MIPOL1: variants seen among roughly 807,000 people sequenced by gnomAD.
The protein encoded by MIPOL1 is mirror-image polydactyly gene 1 protein.
Under a neutral mutation model 60.9 loss-of-function variants are expected in MIPOL1, and 57 were observed. That is an observed-to-expected ratio of 0.94 (90% CI 0.76 to 1.17). The LOEUF (loss-of-function observed/expected upper bound fraction) is 1.17, where lower values mean the gene tolerates loss of function less well. Among genes scored for constraint, MIPOL1 ranks in the 50% most tolerant of loss-of-function variants. MIPOL1 has a pLI of 0.00. For missense variants in MIPOL1, 551 were observed against 511.6 expected (o/e 1.08, Z -0.74); for synonymous variants, 179 against 168.8 (o/e 1.06, Z -0.47).
chr14:37,357,424 C>T (rs937409348), intron 9 of MIPOL1, among the ~76,000 whole-genome samples: 3 of 151,936 alleles, frequency 2.0e-5, no homozygotes, highest in African/African-American at 7.3e-5. Flanking sequence ...TTTGTTATTA[C>T]TTGTCTTTTA....
At position 37,266,974 on chromosome 14, in the gene MIPOL1, G is replaced by T. The variant is rs371321198; in HGVS notation, c.56G>T (p.Gly19Val). The T allele has an allele frequency of 1.1e-5, 17 of 1,613,192 alleles. No individual in the cohort carries two copies. The highest frequency in any genetic ancestry group is 1.7e-4 in the Middle Eastern group (1 of 6,060). Residue 19 changes from glycine (G) to valine (V), a missense_variant, in exon 4 of 13, where the codon GGG (glycine) becomes GTG (valine). Physicochemically the swap from Gly to Val is moderately radical, Grantham distance 109. Coordinates refer to ENST00000684589, the MANE Select transcript of MIPOL1 (RefSeq NM_001388067.1). Reference sequence around the variant, plus strand: ...AGTTATCTTGAACAAGAAACTACGGGGATAAATAAAAGTACGCAGCCAGAT... The same window carrying T: ...AGTTATCTTGAACAAGAAACTACGGTGATAAATAAAAGTACGCAGCCAGAT... ...THSYLEQETT[G>V]INKSTQPDEQ...
At chr14:37,418,957 T>A (rs531479561) in intron 10 of MIPOL1, among the ~76,000 whole-genome samples, 27 of 152,182 alleles carry the variant, frequency 1.8e-4, no homozygotes, top group Admixed American at 7.9e-4. Context: ...ATAGTGTAAA[T>A]GCACACTTAC....
intron 1 of MIPOL1, among the ~76,000 whole-genome samples, chr14:37,228,491 A>G (rs560514710): frequency 6.6e-6 from 1 of 152,046 alleles, no homozygotes; most frequent in South Asian, 2.1e-4. Context: ...AAAACCGTTT[A>G]GTTTCTTGTC....
chr14:37,482,607 T>C (rs1486540399), intron 11 of MIPOL1, among the ~76,000 whole-genome samples: 1 of 152,136 alleles, frequency 6.6e-6, no homozygotes, highest in Non-Finnish European at 1.5e-5. Flanking sequence ...CAGACACTTA[T>C]AAAACCATGA....
At chr14:37,402,972 C>T (rs2093514480) in intron 10 of MIPOL1, among the ~76,000 whole-genome samples, 2 of 152,156 alleles carry the variant, frequency 1.3e-5, no homozygotes, top group South Asian at 4.1e-4. Context: ...GTAGCCACAA[C>T]CTGTTCGTTT....
chr14:37,473,910 C>T (rs1381757986), intron 11 of MIPOL1, among the ~76,000 whole-genome samples: 4 of 151,912 alleles, frequency 2.6e-5, no homozygotes, highest in Admixed American at 2.6e-4. Flanking sequence ...TTATGCATGC[C>T]CATACTTTTT....
At chr14:37,507,791 T>A (rs1223598954) in intron 12 of MIPOL1, 1 of 152,032 alleles carries the variant, frequency 6.6e-6, no homozygotes, top group African/African-American at 2.4e-5. Flanking sequence ...CTCTGAAAAA[T>A]TCACTGTCTC....
intron 12 of MIPOL1, chr14:37,506,344 A>G (rs1201633155): frequency 6.6e-6 from 1 of 152,238 alleles, no homozygotes; most frequent in Non-Finnish European, 1.5e-5. Context: ...ACCTGACTTC[A>G]AACAATAGTG....
At chr14:37,504,279 C>T (rs1468784789) in intron 12 of MIPOL1, 1 of 152,168 alleles carries the variant, frequency 6.6e-6, no homozygotes, top group Non-Finnish European at 1.5e-5. Context: ...ACAGAACTCT[C>T]CACCCCAAAT....
chr14:37,283,871 A>G (rs2084325732), intron 6 of MIPOL1, among the ~76,000 whole-genome samples: 1 of 152,132 alleles, frequency 6.6e-6, no homozygotes. Context: ...ATATTCTTCC[A>G]TACACCATAC....
At chr14:37,524,370 G>A (rs969529273) in intron 12 of MIPOL1, among the ~76,000 whole-genome samples, 1 of 152,012 alleles carries the variant, frequency 6.6e-6, no homozygotes, top group African/African-American at 2.4e-5. Context: ...AGGGTGTTGA[G>A]GAGAGTTCCC....
chr14:37,214,608 T>C (rs1055912531), intron 1 of MIPOL1, among the ~76,000 whole-genome samples: 1 of 152,198 alleles, frequency 6.6e-6, no homozygotes, highest in Admixed American at 6.5e-5. Context: ...AATTACTCTT[T>C]ATTCCAATAT....
At chr14:37,239,520 TGTG>T (rs1428728167) in intron 1 of MIPOL1, among the ~76,000 whole-genome samples, 1 of 152,118 alleles carries the variant, frequency 6.6e-6, no homozygotes, top group Non-Finnish European at 1.5e-5. Flanking sequence ...GAAACTATAA[TGTG>T]GTAAAAAAAA....
intron 3 of MIPOL1, among the ~76,000 whole-genome samples, chr14:37,257,096 TG>T (rs1468836054): frequency 2.2e-3 from 1 of 458 alleles, no homozygotes; most frequent in South Asian, 0.1. Flanking sequence ...GGTTTTGTTT[TG>T]TGTGTGTGTG....
At chr14:37,382,037 G>A (rs117718229) in intron 10 of MIPOL1, among the ~76,000 whole-genome samples, 2 of 152,018 alleles carry the variant, frequency 1.3e-5, no homozygotes, top group East Asian at 3.9e-4. Context: ...TCAGTATTTT[G>A]GAAGCATTAT....
At chr14:37,201,832 T>C (rs1965391083) in intron 1 of MIPOL1, among the ~76,000 whole-genome samples, 1 of 152,156 alleles carries the variant, frequency 6.6e-6, no homozygotes, top group African/African-American at 2.4e-5. Flanking sequence ...GTATTTGTTG[T>C]TGTTCTTGTT....
intron 9 of MIPOL1, among the ~76,000 whole-genome samples, chr14:37,347,644 T>C (rs1281789115): frequency 6.6e-6 from 1 of 152,170 alleles, no homozygotes; most frequent in African/African-American, 2.4e-5. Flanking sequence ...TGTAGAACTG[T>C]AGAACATCAA....
At chr14:37,359,555 C>G (rs958234902) in intron 9 of MIPOL1, among the ~76,000 whole-genome samples, 1 of 151,944 alleles carries the variant, frequency 6.6e-6, no homozygotes, top group Non-Finnish European at 1.5e-5. Flanking sequence ...CTTCACATCC[C>G]TTGTAAGTTG....
At chr14:37,444,143 A>G (rs1054345368) in intron 11 of MIPOL1, among the ~76,000 whole-genome samples, 19 of 152,286 alleles carry the variant, frequency 1.2e-4, no homozygotes, top group African/African-American at 4.6e-4. Flanking sequence ...TGCAGATGAT[A>G]TGTTGTACAC....
Sources: allele counts gnomAD v4.1 joint callset (sites outside exome capture counted in the v4.1 genomes callset), GRCh38; gene constraint gnomAD v4.1.1; transcripts MANE v1.5; gene names NCBI Gene and HGNC (gene_info 2026-07-23, HGNC 2026-07-21).